Variants in LARS2 observed in about 807,000 individuals in gnomAD.
The protein encoded by LARS2 is leucyl-tRNA synthetase 2, mitochondrial.
A neutral mutation model predicts 116.6 loss-of-function variants in LARS2; 81 were observed. That is an observed-to-expected ratio of 0.69 (90% CI 0.58 to 0.84). The LOEUF (loss-of-function observed/expected upper bound fraction) is 0.84, where lower values mean the gene tolerates loss of function less well. Ranked by LOEUF, LARS2 falls within the 40% of genes least tolerant of loss-of-function variation. The pLI is 0.00. For synonymous variants in LARS2, 396 were observed against 407.2 expected (o/e 0.97, Z 0.33); for missense variants, 968 against 1,114.5 (o/e 0.87, Z 1.87).
intron 10 of LARS2, 129 bp downstream of exon 10, chr3:45,476,756 T>C: frequency 1.2e-6 from 1 of 861,124 alleles, no homozygotes; most frequent in Non-Finnish European, 1.8e-6. Context: ...GCCTGATTTT[T>C]TATGTTTTTA....
At chr3:45,497,027 G>T (rs1263172617) in intron 14 of LARS2, among the ~76,000 whole-genome samples, 1 of 152,150 alleles carries the variant, frequency 6.6e-6, no homozygotes, top group Non-Finnish European at 1.5e-5. Context: ...CTACAGAGAA[G>T]GTAGCAGGTA....
At chr3:45,456,376 A>T (rs1419790336) in intron 7 of LARS2, among the ~76,000 whole-genome samples, 2 of 152,208 alleles carry the variant, frequency 1.3e-5, no homozygotes, top group African/African-American at 2.4e-5. Context: ...TGAGGTCAGG[A>T]GTTCGAGACC....
chr3:45,473,403 G>C (rs1276241637), intron 8 of LARS2, among the ~76,000 whole-genome samples: 1 of 130,566 alleles, frequency 7.7e-6, no homozygotes, highest in East Asian at 2.1e-4. Context: ...TTTTTTTTTT[G>C]AGACAGAGTC....
At chr3:45,528,657 A>G (rs1490109033) in intron 20 of LARS2, among the ~76,000 whole-genome samples, 15 of 152,202 alleles carry the variant, frequency 9.9e-5, no homozygotes, top group Non-Finnish European at 2.2e-4. Flanking sequence ...CAGAAATGTT[A>G]TATAAATGAA....
rs372377962 is a variant in LARS2, at chr3:45,520,263, T to C, written c.2259T>C (p.Ile753=). Residue 753 remains isoleucine, a synonymous_variant, in exon 19 of 22, where the codon ATT becomes ATC. Coordinates refer to ENST00000645846, the MANE Select transcript of LARS2 (RefSeq NM_015340.4). ...FTEDFSLNSA[I]SQLMGLSNAL... ...AGGACTTCTCACTGAATTCTGCAATTTCTCAGCTGATGGGACTCAGCAATG... is the reference window on the plus strand; with the variant it reads ...AGGACTTCTCACTGAATTCTGCAATCTCTCAGCTGATGGGACTCAGCAATG... 19 of 1,613,746 alleles carry C rather than the reference T, an allele frequency of 1.2e-5. No homozygotes were observed. The highest frequency in any genetic ancestry group is 1.5e-5 in the Non-Finnish European group (18 of 1,179,758).
intron 6 of LARS2, among the ~76,000 whole-genome samples, chr3:45,444,788 A>T (rs1473268697): frequency 6.7e-6 from 1 of 150,296 alleles, no homozygotes; most frequent in Non-Finnish European, 1.5e-5. Flanking sequence ...ATATGTGTGT[A>T]TATATAAAAT....
At chr3:45,468,342 C>A (rs1241774539) in intron 8 of LARS2, among the ~76,000 whole-genome samples, 2 of 152,156 alleles carry the variant, frequency 1.3e-5, no homozygotes. Context: ...AAGCTTTCAG[C>A]CTTGCCCTCA....
At chr3:45,446,731 A>G (rs568755678) in intron 6 of LARS2, among the ~76,000 whole-genome samples, 160 bp from the exon 7 acceptor site, 4 of 152,210 alleles carry the variant, frequency 2.6e-5, no homozygotes, top group Non-Finnish European at 5.9e-5. Context: ...TCCAGAATAA[A>G]TTGTGACTCT....
chr3:45,405,364 T>A (rs1411324741), intron 4 of LARS2, among the ~76,000 whole-genome samples: 1 of 152,260 alleles, frequency 6.6e-6, no homozygotes, highest in Non-Finnish European at 1.5e-5. Flanking sequence ...ACAACTCCTT[T>A]GTTCCCAAGG....
At chr3:45,486,762 A>G (rs1339417360) in intron 11 of LARS2, among the ~76,000 whole-genome samples, 3 of 152,216 alleles carry the variant, frequency 2.0e-5, no homozygotes, top group Non-Finnish European at 4.4e-5. Flanking sequence ...GCATTTTACA[A>G]TTAGTAAAAT....
At chr3:45,408,816 C>T (rs1354025130) in intron 4 of LARS2, among the ~76,000 whole-genome samples, 1 of 152,204 alleles carries the variant, frequency 6.6e-6, no homozygotes, top group Non-Finnish European at 1.5e-5. Context: ...TCCCACTCAA[C>T]TTTAAACATA....
At chr3:45,472,404 A>C (rs1269483164) in intron 8 of LARS2, among the ~76,000 whole-genome samples, 1 of 152,152 alleles carries the variant, frequency 6.6e-6, no homozygotes, top group Non-Finnish European at 1.5e-5. Flanking sequence ...ACCTGAGTAC[A>C]GTGGTCTCAG....
chr3:45,496,155 A>G (rs1218069377), intron 13 of LARS2, 120 bp from the exon 14 acceptor site: 10 of 771,914 alleles, frequency 1.3e-5, no homozygotes, highest in Non-Finnish European at 2.1e-5. Flanking sequence ...CACCACACCC[A>G]GCCTGTGGCT....
chr3:45,498,869 A>G (rs1700065499), intron 14 of LARS2, among the ~76,000 whole-genome samples: 1 of 152,232 alleles, frequency 6.6e-6, no homozygotes. Flanking sequence ...CTGTTAGGTG[A>G]GAGTTATTGG....
intron 20 of LARS2, among the ~76,000 whole-genome samples, chr3:45,525,112 T>C (rs1244094017): frequency 6.6e-6 from 1 of 152,238 alleles, no homozygotes; most frequent in Non-Finnish European, 1.5e-5. Context: ...CAGAGTTGCT[T>C]CTTAATTCCT....
intron 7 of LARS2, among the ~76,000 whole-genome samples, chr3:45,452,212 T>A (rs1699141245): frequency 6.6e-6 from 1 of 152,202 alleles, no homozygotes; most frequent in Non-Finnish European, 1.5e-5. Context: ...GGTTAGGACT[T>A]CCAGTACTAT....
intron 5 of LARS2, among the ~76,000 whole-genome samples, 158 bp downstream of exon 5, chr3:45,417,731 T>C (rs748338241): frequency 1.2e-4 from 18 of 152,238 alleles, no homozygotes; most frequent in Non-Finnish European, 2.6e-4. Context: ...TTTTAACATA[T>C]TGTATTCTTA....
At chr3:45,510,269 C>T (rs535755135) in intron 15 of LARS2, among the ~76,000 whole-genome samples, 1 of 152,088 alleles carries the variant, frequency 6.6e-6, no homozygotes, top group African/African-American at 2.4e-5. Context: ...AAAAAATTAG[C>T]TGGGTGTGGT....
At position 45,430,562 on chromosome 3, in the gene LARS2, G is replaced by C. The variant is rs1698688807; in HGVS notation, c.516+10833G>C. 2.0e-5 allele frequency among the ~76,000 whole-genome samples: 3 copies of C among 148,456 alleles called. No individual in the cohort carries two copies. The South Asian group carries it at 6.4e-4, about 32-fold the overall frequency. ...CCCAAAGTGCTAGGATTATAGGCGT[G>C]AGCCACTGCGCCCGGCCAATCTTTT... On this transcript the variant is annotated intron_variant, in intron 6 of 21. Transcript: ENST00000645846.
Sources: allele counts gnomAD v4.1 joint callset (sites outside exome capture counted in the v4.1 genomes callset), GRCh38; gene constraint gnomAD v4.1.1; transcripts MANE v1.5; gene names NCBI Gene and HGNC (gene_info 2026-07-23, HGNC 2026-07-21).